FUT8: variants seen among roughly 807,000 people sequenced by gnomAD.
The protein encoded by FUT8 is alpha-(1,6)-fucosyltransferase.
A neutral mutation model predicts 71.3 loss-of-function variants in FUT8; 29 were observed. The ratio of observed to expected loss-of-function variants is 0.41; its 90% CI spans 0.30 to 0.55. The LOEUF is 0.55. FUT8 is among the 20% of genes least tolerant of loss of function. The probability of loss-of-function intolerance (pLI) is 0.34; values close to 1 mark genes in which losing one functional copy is unlikely to be tolerated. For missense variants in FUT8, 544 were observed against 702.1 expected (o/e 0.77, Z 2.55); for synonymous variants, 254 against 239.3 (o/e 1.06, Z -0.57).
At chr14:65,526,901 T>G (rs531030867) in intron 2 of FUT8, among the ~76,000 whole-genome samples, 1 of 152,374 alleles carries the variant, frequency 6.6e-6, no homozygotes, top group Admixed American at 6.5e-5. Flanking sequence ...CCCACTCTCT[T>G]CTGGCTTGTA....
intron 8 of FUT8, among the ~76,000 whole-genome samples, chr14:65,723,152 TAAA>T (rs56003211): frequency 2.2e-4 from 27 of 123,732 alleles, no homozygotes; most frequent in African/African-American, 4.2e-4. Context: ...CCCCATCAAT[TAAA>T]AAAAAAAAAA....
chr14:65,682,318 A>G (rs574099258), intron 7 of FUT8, among the ~76,000 whole-genome samples: 1 of 152,302 alleles, frequency 6.6e-6, no homozygotes, highest in African/African-American at 2.4e-5. Flanking sequence ...GCTCATCAAC[A>G]TAGTGAGACC....
intron 1 of FUT8, among the ~76,000 whole-genome samples, chr14:65,421,694 T>G (rs1171769228): frequency 1.3e-5 from 2 of 151,816 alleles, no homozygotes; most frequent in African/African-American, 4.8e-5. Flanking sequence ...GTGATGTCTA[T>G]TTCTTGAATT....
At chr14:65,382,008 C>A in the FUT8 span, among the ~76,000 whole-genome samples, 1 of 152,238 alleles carries the variant, frequency 6.6e-6, no homozygotes, top group East Asian at 1.9e-4. Flanking sequence ...AGTACTAAAA[C>A]TGTGTTCCCA....
chr14:65,648,593 A>T (rs1269185906), intron 6 of FUT8, among the ~76,000 whole-genome samples: 1 of 152,234 alleles, frequency 6.6e-6, no homozygotes, highest in African/African-American at 2.4e-5. Flanking sequence ...AAATGTAGTC[A>T]TGTTACCGAT....
intron 3 of FUT8, among the ~76,000 whole-genome samples, chr14:65,597,895 G>C (rs920766239): frequency 6.6e-6 from 1 of 152,094 alleles, no homozygotes; most frequent in East Asian, 1.9e-4. Context: ...TTGGCCAGGC[G>C]TGGTGGCTCA....
At chr14:65,712,207 C>T (rs1049489516) in intron 7 of FUT8, among the ~76,000 whole-genome samples, 1 of 151,850 alleles carries the variant, frequency 6.6e-6, no homozygotes, top group African/African-American at 2.4e-5. Flanking sequence ...ACTATGTGGT[C>T]GTGAATATGT....
intron 5 of FUT8, among the ~76,000 whole-genome samples, chr14:65,621,715 C>G (rs985751951): frequency 5.3e-5 from 8 of 152,164 alleles, no homozygotes; most frequent in Admixed American, 2.6e-4. Context: ...TCGCCTGCCA[C>G]TACACCCAGC....
intron 2 of FUT8, among the ~76,000 whole-genome samples, chr14:65,486,939 G>A (rs1433399049): frequency 6.6e-6 from 1 of 152,178 alleles, no homozygotes; most frequent in Non-Finnish European, 1.5e-5. Flanking sequence ...GGACATAGAA[G>A]CAGTGCTTAC....
intron 2 of FUT8, among the ~76,000 whole-genome samples, chr14:65,559,502 C>T (rs1034804332): frequency 4.6e-5 from 7 of 151,276 alleles, no homozygotes; most frequent in African/African-American, 1.7e-4. Context: ...TTTTGGTGTC[C>T]GTGGAGGGTA....
Position 65,603,722 on chromosome 14 carries a change from A to G in FUT8, c.204-12256A>G, listed in dbSNP as rs1375852841. On this transcript the variant is annotated intron_variant, in intron 3 of 10. Transcript: ENST00000673929. The surrounding 1 kb of genome is among the most constrained non-coding windows in gnomAD (Gnocchi z 4.5). Reference sequence around the variant, plus strand: ...CACTAAAAAAAAATCCAAGGTATACAGGCAACAGATAGGACGATGAATGGA... The same window carrying G: ...CACTAAAAAAAAATCCAAGGTATACGGGCAACAGATAGGACGATGAATGGA... Among the ~76,000 whole-genome samples, 1 of 151,812 alleles carries G rather than the reference A, an allele frequency of 6.6e-6. No homozygotes were observed. Among genetic ancestry groups the G allele is most frequent in the Admixed American group, 6.6e-5 (1 of 15,180 alleles).
intron 7 of FUT8, among the ~76,000 whole-genome samples, chr14:65,689,190 T>C (rs1893452859): frequency 6.6e-6 from 1 of 152,246 alleles, no homozygotes; most frequent in Non-Finnish European, 1.5e-5. Context: ...CTATTTCAGA[T>C]TTTAGCCATT....
At chr14:65,362,702 C>T in the FUT8 span, among the ~76,000 whole-genome samples, 1 of 152,114 alleles carries the variant, frequency 6.6e-6, no homozygotes, top group Non-Finnish European at 1.5e-5. Context: ...GTGGCTCACA[C>T]CTGTAATCCC....
rs572920214 is a variant in FUT8 at position 65,644,313 on chromosome 14, C to T, written c.597+14707C>T. On this transcript the variant is annotated intron_variant, in intron 6 of 10. Coordinates refer to ENST00000673929, the MANE Select transcript of FUT8 (RefSeq NM_001371533.1). ...TATATATATATTTTTTTTTTTGAGA[C>T]GGAGTCTCACTCTGTCACCCAGGCT... 7.9e-4 allele frequency among the ~76,000 whole-genome samples: 120 copies of T among 151,580 alleles called. 1 individual carries two copies. The highest frequency in any genetic ancestry group is 2.7e-3 in the African/African-American group (113 of 41,386).
intron 3 of FUT8, among the ~76,000 whole-genome samples, chr14:65,571,967 G>A (rs1886502203): frequency 6.6e-6 from 1 of 152,056 alleles, no homozygotes; most frequent in South Asian, 2.1e-4. Context: ...TTATAAAATA[G>A]CAGACTCTTA....
chr14:65,711,884 G>A (rs1039481615), intron 7 of FUT8, among the ~76,000 whole-genome samples: 1 of 152,108 alleles, frequency 6.6e-6, no homozygotes. Flanking sequence ...CCATGTAGTT[G>A]GCTTGATTGA....
intron 3 of FUT8, among the ~76,000 whole-genome samples, chr14:65,589,817 C>T (rs915791249): frequency 5.9e-5 from 9 of 152,156 alleles, no homozygotes; most frequent in African/African-American, 1.9e-4. Context: ...TCATTTCTTT[C>T]TCTTCACAGT....
intron 6 of FUT8, among the ~76,000 whole-genome samples, chr14:65,664,395 G>A (rs1892110383): frequency 1.3e-5 from 2 of 152,082 alleles, no homozygotes; most frequent in African/African-American, 4.8e-5. Context: ...AATGCTTATT[G>A]CTTTAGGAGT....
At chr14:65,545,135 ATTTTTACT>A (rs1050375559) in intron 2 of FUT8, among the ~76,000 whole-genome samples, 6 of 151,974 alleles carry the variant, frequency 3.9e-5, no homozygotes, top group Admixed American at 6.6e-5. Flanking sequence ...TTATAATACT[ATTTTTACT>A]TGTTCCTTTC....
Sources: gnomAD v4.1 joint callset for allele counts (sites outside exome capture counted in the v4.1 genomes callset) on GRCh38, gnomAD v4.1.1 for gene constraint, Gnocchi (gnomAD v3.1) non-coding constraint, MANE v1.5 for transcripts, NCBI Gene and HGNC (gene_info 2026-07-23, HGNC 2026-07-21) for gene names.